The following TAFA2 variants were observed in gnomAD, a reference collection of about 807,000 sequenced individuals.
The protein encoded by TAFA2 is chemokine-like protein TAFA-2.
A neutral mutation model predicts 18.8 loss-of-function variants in TAFA2; 7 were observed. The ratio of observed to expected loss-of-function variants is 0.37; its 90% CI spans 0.21 to 0.70. The LOEUF (loss-of-function observed/expected upper bound fraction) is 0.70, where lower values mean the gene tolerates loss of function less well. Among genes scored for constraint, TAFA2 ranks in the 30% least tolerant of loss-of-function variants. TAFA2 has a pLI of 0.53. For missense variants in TAFA2, 122 were observed against 158.1 expected (o/e 0.77, Z 1.23); for synonymous variants, 60 against 54.2 (o/e 1.11, Z -0.47).
At position 61,996,099 on chromosome 12, in the gene TAFA2, AC is replaced by A. The variant is rs1410918068; in HGVS notation, c.-1-128674del. Among the ~76,000 whole-genome samples, 10 of 152,206 alleles carry A rather than the reference AC, an allele frequency of 6.6e-5. No homozygotes were observed. The South Asian group carries it at 1.9e-3, about 28-fold the overall frequency. On this transcript the variant is annotated intron_variant, in intron 1 of 4. Coordinates refer to ENST00000416284, the MANE Select transcript of TAFA2 (RefSeq NM_178539.5). ...ATTTGTTTTTATAGTCCTTAAGGGT[AC>A]TATAAAAATAAATGACTATAGGATA...
At chr12:61,900,520 T>C (rs1359373067) in intron 1 of TAFA2, among the ~76,000 whole-genome samples, 1 of 152,152 alleles carries the variant, frequency 6.6e-6, no homozygotes, top group African/African-American at 2.4e-5. Context: ...CTCAGGCAAC[T>C]TGCAAACATA....
At chr12:62,040,193 C>A (rs1323763327) in intron 1 of TAFA2, among the ~76,000 whole-genome samples, 1 of 152,086 alleles carries the variant, frequency 6.6e-6, no homozygotes, top group Admixed American at 6.6e-5. Context: ...CTTTTCATTA[C>A]ACTACAGTTG....
intron 1 of TAFA2, among the ~76,000 whole-genome samples, chr12:62,089,002 T>A (rs947468187): frequency 6.6e-6 from 1 of 152,026 alleles, no homozygotes; most frequent in Non-Finnish European, 1.5e-5. Context: ...ATTGCTTTCT[T>A]CCTTTATCCA....
chr12:61,728,088 G>A (rs1870259898), intron 4 of TAFA2, among the ~76,000 whole-genome samples: 1 of 148,028 alleles, frequency 6.8e-6, no homozygotes, highest in South Asian at 2.2e-4. Context: ...GTCAGAGAGA[G>A]TACTTGATAT....
intron 1 of TAFA2, among the ~76,000 whole-genome samples, chr12:61,885,585 C>T (rs1360059317): frequency 6.6e-6 from 1 of 152,196 alleles, no homozygotes; most frequent in Non-Finnish European, 1.5e-5. Flanking sequence ...GTGTCCTCCA[C>T]CTCAGTTCAC....
At position 62,228,064 on chromosome 12, in the gene TAFA2, C is replaced by T. The variant is rs542134842; in HGVS notation, c.-130+30699G>A. ...ATACACATACACATGTATATATACA[C>T]GTGTGTACATACACACACACTTATC... On this transcript the variant is annotated intron_variant, in intron 1 of 5. Coordinates refer to the TAFA2 transcript ENST00000551619. Among the ~76,000 whole-genome samples, 94 of 152,150 alleles carry T rather than the reference C, an allele frequency of 6.2e-4. 1 individual carries two copies. The highest frequency in any genetic ancestry group is 2.2e-3 in the African/African-American group (91 of 41,498).
intron 1 of TAFA2, among the ~76,000 whole-genome samples, chr12:61,975,832 T>C (rs900969525): frequency 1.3e-5 from 2 of 151,710 alleles, no homozygotes; most frequent in South Asian, 2.1e-4. Context: ...AATAACAATG[T>C]ATTATACACT....
chr12:61,756,530 C>T (rs189181660), intron 2 of TAFA2, among the ~76,000 whole-genome samples: 5 of 152,108 alleles, frequency 3.3e-5, no homozygotes, highest in Admixed American at 3.3e-4. Context: ...CGAGTGAATA[C>T]CACACATCAG....
chr12:62,062,449 A>G (rs348659), intron 1 of TAFA2, among the ~76,000 whole-genome samples: 125,461 of 151,928 alleles, frequency 0.83, 52,009 homozygotes, highest in Middle Eastern at 0.87. Flanking sequence ...CTGTGATAGG[A>G]GGCTACTCAT....
chr12:61,898,154 A>T (rs1419235119), intron 1 of TAFA2, among the ~76,000 whole-genome samples: 1 of 152,232 alleles, frequency 6.6e-6, no homozygotes, highest in Non-Finnish European at 1.5e-5. Context: ...GGCCTTGGGC[A>T]GTTCTGACCC....
chr12:62,035,828 G>T (rs544261938), intron 1 of TAFA2, among the ~76,000 whole-genome samples: 1 of 129,806 alleles, frequency 7.7e-6, no homozygotes, highest in African/African-American at 2.9e-5. Context: ...TGCAAGCTCC[G>T]CCTCCCGGGT....
chr12:61,849,211 GA>G (rs973684878), intron 2 of TAFA2, among the ~76,000 whole-genome samples: 1 of 151,988 alleles, frequency 6.6e-6, no homozygotes, highest in African/African-American at 2.4e-5. Flanking sequence ...ATCCAGTGCA[GA>G]AAAAAGAGCA....
At chr12:61,970,321 G>A (rs2136663936) in intron 1 of TAFA2, among the ~76,000 whole-genome samples, 1 of 151,586 alleles carries the variant, frequency 6.6e-6, no homozygotes, top group East Asian at 1.9e-4. Flanking sequence ...AATTTTCTTA[G>A]TAAAATTCAT....
upstream of TAFA2, among the ~76,000 whole-genome samples, chr12:62,195,766 G>A (rs893853896): frequency 6.6e-6 from 1 of 152,174 alleles, no homozygotes; most frequent in Non-Finnish European, 1.5e-5. Context: ...AAGCAGAGTA[G>A]ATTTATTATA....
intron 1 of TAFA2, among the ~76,000 whole-genome samples, chr12:61,893,599 A>T (rs529971243): frequency 1.3e-4 from 20 of 152,188 alleles, no homozygotes; most frequent in African/African-American, 4.8e-4. Context: ...TTTGAATAGC[A>T]GTGGAGACAA....
chr12:61,776,089 A>G (rs1870249998), intron 2 of TAFA2: 1 of 445,184 alleles, frequency 2.2e-6, no homozygotes, highest in East Asian at 6.1e-5. Flanking sequence ...CACTAATGCT[A>G]CCATGGCAAA....
chr12:61,822,599 C>A (rs1026115884), intron 2 of TAFA2, among the ~76,000 whole-genome samples: 1 of 152,102 alleles, frequency 6.6e-6, no homozygotes, highest in Non-Finnish European at 1.5e-5. Context: ...TGAAGGTGTC[C>A]CCATCTCTTC....
chr12:61,906,255 T>A (rs1354982796), intron 1 of TAFA2, among the ~76,000 whole-genome samples: 1 of 152,180 alleles, frequency 6.6e-6, no homozygotes, highest in Non-Finnish European at 1.5e-5. Flanking sequence ...GTAGTTCCCA[T>A]AATCCGCAAA....
chr12:62,132,063 G>C (rs1336416639), intron 1 of TAFA2, among the ~76,000 whole-genome samples: 1 of 134,426 alleles, frequency 7.4e-6, no homozygotes, highest in East Asian at 2.2e-4. Context: ...ACACAAAACT[G>C]AATCAAGTCA....
Sources: allele counts gnomAD v4.1 joint callset (sites outside exome capture counted in the v4.1 genomes callset), GRCh38; gene constraint gnomAD v4.1.1; transcripts MANE v1.5; gene names NCBI Gene and HGNC (gene_info 2026-07-23, HGNC 2026-07-21).